The following MASP1 variants were observed in gnomAD, a reference collection of about 807,000 sequenced individuals.
MASP1 encodes MBL associated serine protease 1, also known as mannan-binding lectin serine protease 1.
A neutral mutation model predicts 77.1 loss-of-function variants in MASP1; 59 were observed. That is an observed-to-expected ratio of 0.77 (90% CI 0.62 to 0.95). The LOEUF (loss-of-function observed/expected upper bound fraction) is 0.95, where lower values mean the gene tolerates loss of function less well. Ranked by LOEUF, MASP1 falls within the 40% of genes least tolerant of loss-of-function variation. The pLI is 0.00. For synonymous variants in MASP1, 362 were observed against 354.5 expected (o/e 1.02, Z -0.24); for missense variants, 885 against 912.9 (o/e 0.97, Z 0.39).
At chr3:187,287,599 A>G (rs1265256944) in intron 1 of MASP1, among the ~76,000 whole-genome samples, 1 of 152,180 alleles carries the variant, frequency 6.6e-6, no homozygotes, top group Non-Finnish European at 1.5e-5. Context: ...TAAAATGGAG[A>G]TTATAATATC....
At chr3:187,264,436 C>G (rs1715848794) in intron 2 of MASP1, among the ~76,000 whole-genome samples, 1 of 151,684 alleles carries the variant, frequency 6.6e-6, no homozygotes, top group South Asian at 2.1e-4. Flanking sequence ...CAAAGCTTTA[C>G]CTAACTATAA....
intron 2 of MASP1, 198 bp from the exon 3 acceptor site, chr3:187,262,918 C>T (rs72550739): frequency 4.4e-5 from 25 of 572,966 alleles, no homozygotes; most frequent in East Asian, 3.8e-4. Context: ...CAGTTTCATT[C>T]GTCTTATTTA....
chr3:187,270,996 T>A (rs1716474492), intron 2 of MASP1, among the ~76,000 whole-genome samples: 1 of 152,236 alleles, frequency 6.6e-6, no homozygotes, highest in Non-Finnish European at 1.5e-5. Context: ...TTGTTTTAGC[T>A]GCTAAGTGTT....
intron 8 of MASP1, chr3:187,243,859 C>G: frequency 3.6e-6 from 2 of 560,146 alleles, no homozygotes; most frequent in Non-Finnish European, 6.5e-6. Context: ...GGTCAACTCA[C>G]CTGCCCAGTG....
chr3:187,237,024 C>A (rs766290489), intron 10 of MASP1, among the ~76,000 whole-genome samples: 17 of 152,176 alleles, frequency 1.1e-4, no homozygotes, highest in Non-Finnish European at 2.2e-4. Flanking sequence ...TGGAAGGAAC[C>A]TAAAAAACCA....
intron 10 of MASP1, among the ~76,000 whole-genome samples, chr3:187,238,796 A>C (rs1713383393): frequency 6.6e-6 from 1 of 152,190 alleles, no homozygotes; most frequent in Non-Finnish European, 1.5e-5. Flanking sequence ...CTCATTTATA[A>C]AATAAAAGGG....
At chr3:187,224,287 GA>G (rs1712245243) in intron 13 of MASP1, among the ~76,000 whole-genome samples, 1 of 151,642 alleles carries the variant, frequency 6.6e-6, no homozygotes, top group Non-Finnish European at 1.5e-5. Flanking sequence ...ATAACTTCCT[GA>G]AGATCACCCA....
chr3:187,285,760 T>TCATATTGCCTTGTCTAAATC, intron 2 of MASP1, 65 bp downstream of exon 2: 1 of 1,304,212 alleles, frequency 7.7e-7, no homozygotes, highest in Non-Finnish European at 1.1e-6. Context: ...GGGTCTAATT[T>TCATATTGCCTTGTCTAAATC]CATATTGCCT....
intron 8 of MASP1, among the ~76,000 whole-genome samples, chr3:187,249,269 G>T (rs1342484507): frequency 6.6e-6 from 1 of 152,038 alleles, no homozygotes; most frequent in African/African-American, 2.4e-5. Flanking sequence ...TGTTGGCCAG[G>T]CTGGTCTCGG....
chr3:187,250,382 A>G, intron 7 of MASP1, 53 bp from the exon 8 acceptor site: 1 of 1,403,006 alleles, frequency 7.1e-7, no homozygotes, highest in Non-Finnish European at 1.0e-6. Context: ...GGGTGGTGTC[A>G]GGGGTTTTTT....
intron 2 of MASP1, among the ~76,000 whole-genome samples, chr3:187,275,104 G>A (rs568427235): frequency 3.7e-4 from 57 of 152,192 alleles, no homozygotes; most frequent in Non-Finnish European, 6.8e-4. Context: ...TCATTCATAT[G>A]CAAATCCCTT....
chr3:187,243,397 C>T, intron 9 of MASP1, 87 bp downstream of exon 9: 1 of 1,400,612 alleles, frequency 7.1e-7, no homozygotes, highest in Non-Finnish European at 1.0e-6. Context: ...GCAGTTCTTC[C>T]TTTCACAGCT....
intron 2 of MASP1, among the ~76,000 whole-genome samples, chr3:187,273,036 G>A (rs1716650737): frequency 1.3e-5 from 2 of 152,168 alleles, no homozygotes; most frequent in Admixed American, 1.3e-4. Flanking sequence ...ACATCAATGA[G>A]AAAAACAGGA....
chr3:187,253,496 C>T (rs1296890886), intron 5 of MASP1, among the ~76,000 whole-genome samples, 181 bp from the exon 6 acceptor site: 1 of 152,130 alleles, frequency 6.6e-6, no homozygotes, highest in Non-Finnish European at 1.5e-5. Context: ...CATCTTCATT[C>T]TCTCTTTTAT....
intron 2 of MASP1, among the ~76,000 whole-genome samples, chr3:187,273,805 T>C (rs1256061992): frequency 6.6e-6 from 1 of 152,222 alleles, no homozygotes; most frequent in Non-Finnish European, 1.5e-5. Flanking sequence ...GAAAGCCATG[T>C]AAAGTAAAAA....
intron 8 of MASP1, chr3:187,247,479 C>T (rs941006875): frequency 2.1e-6 from 3 of 1,433,648 alleles, no homozygotes; most frequent in South Asian, 2.3e-5. Flanking sequence ...GCAAGCAAAG[C>T]AGAAACAGTT....
chr3:187,247,028 G>C, intron 8 of MASP1: 1 of 1,303,422 alleles, frequency 7.7e-7, no homozygotes, highest in Non-Finnish European at 9.8e-7. Context: ...CAAGGACCAA[G>C]GGCATTTTTT....
rs538616253 is a variant in MASP1 at position 187,273,191 on chromosome 3, G to C, written c.238-10471C>G. On this transcript the variant is annotated intron_variant, in intron 2 of 10. Transcript: ENST00000296280. The stretch of plus-strand genomic sequence containing the variant: ...TCCATTTCACTCCTTTCCTAATCTC[G>C]CTGAAGCCATCAGCAGTGGTTTCCC... Among the ~76,000 whole-genome samples, 323 of 152,210 alleles carry C rather than the reference G, an allele frequency of 2.1e-3. 1 individual carries two copies. The highest frequency in any genetic ancestry group is 7.6e-3 in the African/African-American group (317 of 41,506).
chr3:187,240,481 T>A (rs180933290), intron 10 of MASP1, among the ~76,000 whole-genome samples: 1,633 of 152,176 alleles, frequency 0.011, 9 homozygotes, highest in Non-Finnish European at 0.015. Flanking sequence ...TGCTTTTTTT[T>A]AAAAAAAATG....
Sources: allele counts gnomAD v4.1 joint callset (sites outside exome capture counted in the v4.1 genomes callset), GRCh38; gene constraint gnomAD v4.1.1; transcripts MANE v1.5; gene names NCBI Gene and HGNC (gene_info 2026-07-23, HGNC 2026-07-21).